Variants in NCAPD3 observed in about 807,000 individuals in gnomAD.
The protein encoded by NCAPD3 is condensin-2 complex subunit D3.
In NCAPD3, 105 loss-of-function variants were observed where a neutral mutation model predicts 182.9. That is an observed-to-expected ratio of 0.57 (90% CI 0.49 to 0.68). The LOEUF (loss-of-function observed/expected upper bound fraction) is 0.68, where lower values mean the gene tolerates loss of function less well. Among genes scored for constraint, NCAPD3 ranks in the 30% least tolerant of loss-of-function variants. NCAPD3 has a pLI of 0.00. For synonymous variants in NCAPD3, 815 were observed against 679.9 expected, an observed-to-expected ratio of 1.20 and a Z score of -3.09; for missense variants, 1,944 against 1,837.0, an observed-to-expected ratio of 1.06 and a Z score of -1.07.
intron 3 of NCAPD3, among the ~76,000 whole-genome samples, 171 bp from the exon 4 acceptor site, chr11:134,210,625 C>T (rs1048662555): frequency 6.6e-6 from 1 of 152,136 alleles, no homozygotes; most frequent in Non-Finnish European, 1.5e-5. Context: ...GAGGAGACAG[C>T]GCTGCATCAG....
intron 3 of NCAPD3, among the ~76,000 whole-genome samples, chr11:134,211,256 A>C (rs1937822402): frequency 6.6e-6 from 1 of 152,248 alleles, no homozygotes; most frequent in South Asian, 2.1e-4. Context: ...AAGCCTCAAA[A>C]GGATCAAGTT....
intron 3 of NCAPD3, 124 bp from the exon 4 acceptor site, chr11:134,210,578 T>G (rs561481937): frequency 2.4e-6 from 2 of 850,924 alleles, no homozygotes; most frequent in African/African-American, 3.4e-5. Context: ...ACAATGAACC[T>G]GTAGCAAGAG....
At chr11:134,169,120 C>T (rs1011759441) in intron 24 of NCAPD3, 66 bp from the exon 25 acceptor site, 45 of 1,516,138 alleles carry the variant, frequency 3.0e-5, no homozygotes, top group Non-Finnish European at 3.9e-5. Flanking sequence ...CTGAATACAC[C>T]AAGAACTCTG....
In NCAPD3 at chr11:134,178,734, T is replaced by G. The variant is rs1944226985; in HGVS notation, c.2682A>C (p.Ser894=). Residue 894 remains serine (S), a synonymous_variant, in exon 22 of 35, where the codon TCA becomes TCC. Transcript: ENST00000534548. ...CTGGGGCCTCACTGCTGCCTTGAGA[T>G]GATGGTGCTGCAAAGAAGGGAGAGA... ...ASSADADHSP[S]SQGSSEAPAS... The G allele has an allele frequency of 6.2e-7, 1 of 1,608,146 alleles. No homozygotes were observed. Among genetic ancestry groups the G allele is most frequent in the Non-Finnish European group, 8.5e-7 (1 of 1,175,938 alleles).
intron 3 of NCAPD3, among the ~76,000 whole-genome samples, chr11:134,214,444 T>C (rs1395805172): frequency 6.6e-6 from 1 of 152,204 alleles, no homozygotes; most frequent in Non-Finnish European, 1.5e-5. Flanking sequence ...TATTAAATAC[T>C]TGTATTAGAA....
At position 134,209,453 on chromosome 11, in the gene NCAPD3, C is replaced by T. The variant is rs554494956; in HGVS notation, c.592G>A (p.Glu198Lys). 1.1e-5 allele frequency: 18 copies of T among 1,611,928 alleles called. No individual in the cohort carries two copies. Among genetic ancestry groups the T allele is most frequent in the Middle Eastern group, 1.9e-4 (1 of 5,246 alleles). Residue 198 changes from glutamate to lysine, a missense_variant, in exon 5 of 35, where the codon GAA becomes AAA. Transcript: ENST00000534548. Reference protein sequence around the residue: ...IEMDEIIEEQEDENICFSARD... With the variant: ...IEMDEIIEEQKDENICFSARD... ...GCAGAAAAACAAATATTCTCATCTT[C>T]TTGTTCTTCTATAATTTCATCCATC...
intron 1 of NCAPD3, 152 bp downstream of exon 1, chr11:134,223,711 T>C (rs2136039480): frequency 2.3e-6 from 2 of 888,182 alleles, no homozygotes; most frequent in South Asian, 1.6e-5. Flanking sequence ...GCCGCAATCC[T>C]GGCGTGGCAC....
At chr11:134,155,300 C>G (rs1591817482) in intron 32 of NCAPD3, among the ~76,000 whole-genome samples, 1 of 152,138 alleles carries the variant, frequency 6.6e-6, no homozygotes, top group Non-Finnish European at 1.5e-5. Context: ...CCCACCTAAA[C>G]TAAAAGTTGC....
At chr11:134,211,352 A>T (rs1468072334) in intron 3 of NCAPD3, among the ~76,000 whole-genome samples, 1 of 152,192 alleles carries the variant, frequency 6.6e-6, no homozygotes, top group African/African-American at 2.4e-5. Flanking sequence ...AACATTCCAA[A>T]TGCCCAACAT....
upstream of NCAPD3, chr11:134,224,121 A>G: frequency 3.0e-6 from 2 of 663,564 alleles, no homozygotes; most frequent in Middle Eastern, 2.5e-4. Context: ...GGGCGGGCCG[A>G]AAAGTGGAAG....
chr11:134,157,431 G>GA (rs1943454548), intron 31 of NCAPD3, among the ~76,000 whole-genome samples: 1 of 152,294 alleles, frequency 6.6e-6, no homozygotes, highest in South Asian at 2.1e-4. Context: ...TATGTACAAG[G>GA]ATGTTTACTG....
At chr11:134,153,656 C>T (rs1196021924) in intron 32 of NCAPD3, 1 of 474,650 alleles carries the variant, frequency 2.1e-6, no homozygotes, top group Non-Finnish European at 3.9e-6. Context: ...CATCATTGCC[C>T]CTGTCCCGGT....
Position 134,194,035 on chromosome 11 carries a change from G to C in NCAPD3, c.1805C>G (p.Ser602Cys). The C allele has an allele frequency of 6.2e-7, 1 of 1,614,052 alleles. No homozygotes were observed. The highest frequency in any genetic ancestry group is 8.5e-7 in the Non-Finnish European group (1 of 1,179,936). Residue 602 changes from serine (S) to cysteine (C), a missense_variant, in exon 15 of 35, where the codon TCT becomes TGT. By Grantham distance (112) the Ser-to-Cys change is moderately radical. This residue lies in a region of NCAPD3 where 1,803 missense variants were observed against 1,674.6 expected (regional missense o/e 1.08). Transcript: ENST00000534548. Reference protein sequence around the residue: ...AVSVRKQALQSLTELLMAQPR... With the variant: ...AVSVRKQALQCLTELLMAQPR... ...TCTCACCATAAGGAGTTCAGTAAGA[G>C]ACTGGAGGGCCTGCTTCCGGACAGA...
At chr11:134,167,493 G>A (rs1565526652) in intron 27 of NCAPD3, among the ~76,000 whole-genome samples, 3 of 143,784 alleles carry the variant, frequency 2.1e-5, no homozygotes, top group Non-Finnish European at 4.6e-5. Context: ...GCTTGGGGGA[G>A]GCGCACACTC....
At chr11:134,153,683 TTAC>T in intron 32 of NCAPD3, 1 of 409,770 alleles carries the variant, frequency 2.4e-6, no homozygotes, top group South Asian at 2.5e-5. Flanking sequence ...CCTGTCCCAC[TTAC>T]TACACCTCCT....
At chr11:134,157,861 A>T (rs925502439) in intron 31 of NCAPD3, 67 bp downstream of exon 31, 26 of 1,484,590 alleles carry the variant, frequency 1.8e-5, no homozygotes, top group South Asian at 2.6e-5. Context: ...AAGGAATAAG[A>T]AGTAGCTTGT....
intron 20 of NCAPD3, among the ~76,000 whole-genome samples, chr11:134,179,807 G>A (rs1052103387): frequency 1.2e-4 from 19 of 152,092 alleles, no homozygotes; most frequent in Non-Finnish European, 2.9e-5. Context: ...GGATGATGCT[G>A]AATAGTAAAA....
At chr11:134,197,957 C>T (rs1339409328) in intron 13 of NCAPD3, among the ~76,000 whole-genome samples, 3 of 152,148 alleles carry the variant, frequency 2.0e-5, no homozygotes, top group Admixed American at 2.0e-4. Flanking sequence ...AGCTTTCCCC[C>T]TAAGTAAAGA....
Position 134,156,900 on chromosome 11 carries a change from T to C in NCAPD3, c.4252+118A>G, listed in dbSNP as rs538377179. On this transcript the variant is annotated intron_variant, in intron 32 of 34. Coordinates refer to ENST00000534548, the MANE Select transcript of NCAPD3 (RefSeq NM_015261.3). ...ATACTCCACCTCAGCAATGCACTCA[T>C]GGTTCTGACCATCAGAACTATCCTG... 6 of 881,568 alleles carry C rather than the reference T, an allele frequency of 6.8e-6. No individual in the cohort carries two copies. The Admixed American group carries it at 1.1e-4, about 17-fold the overall frequency. The allele number at this position is 881,568 out of a possible 1,614,324, so 54.6% of individuals were successfully genotyped here. A position where few individuals can be genotyped will look rare whatever the true frequency, so the allele number is the denominator to read the frequency against.
Sources: gnomAD v4.1 joint callset for allele counts (sites outside exome capture counted in the v4.1 genomes callset) on GRCh38, gnomAD v4.1.1 for gene constraint, gnomAD v4.1.1 regional missense constraint, MANE v1.5 for transcripts, NCBI Gene and HGNC (gene_info 2026-07-23, HGNC 2026-07-21) for gene names.